Variants in TTC28 observed in about 807,000 individuals in gnomAD.
The protein encoded by TTC28 is tetratricopeptide repeat domain 28.
Under a neutral mutation model 198.0 loss-of-function variants are expected in TTC28, and 61 were observed. That is an observed-to-expected ratio of 0.31 (90% confidence interval 0.25 to 0.38). The LOEUF is 0.38. Among genes scored for constraint, TTC28 ranks in the 10% least tolerant of loss-of-function variants. The pLI is 1.00. For synonymous variants in TTC28, 1,171 were observed against 1,297.8 expected (o/e 0.90, Z 2.10); for missense variants, 2,678 against 3,164.0 (o/e 0.85, Z 3.69).
intron 5 of TTC28, among the ~76,000 whole-genome samples, chr22:28,262,408 CCATATGGCGGTATGGCTTCATTAAAGTT>C (rs1170480812): frequency 6.6e-6 from 1 of 152,134 alleles, no homozygotes; most frequent in Non-Finnish European, 1.5e-5. Flanking sequence ...AAATAGTTTT[CCATATGGCGGTATGGCTTCATTAAAGTT>C]ACATCTTTTA....
At chr22:28,586,963 T>C (rs1301221109) in intron 2 of TTC28, among the ~76,000 whole-genome samples, 4 of 152,212 alleles carry the variant, frequency 2.6e-5, no homozygotes, top group African/African-American at 9.6e-5. Context: ...AGCTCACGTG[T>C]GTAATCTCAG....
intron 2 of TTC28, among the ~76,000 whole-genome samples, chr22:28,492,838 T>C (rs1424614560): frequency 2.0e-5 from 3 of 152,134 alleles, no homozygotes; most frequent in African/African-American, 7.2e-5. Context: ...TAATGAATAG[T>C]TGATTCCAGG....
At chr22:28,208,171 T>A (rs557046672) in intron 5 of TTC28, among the ~76,000 whole-genome samples, 1 of 152,140 alleles carries the variant, frequency 6.6e-6, no homozygotes, top group African/African-American at 2.4e-5. Context: ...AAAGGACACA[T>A]AGGTTTCCCC....
At chr22:28,357,450 G>C (rs1049324760) in intron 2 of TTC28, among the ~76,000 whole-genome samples, 2 of 150,538 alleles carry the variant, frequency 1.3e-5, no homozygotes, top group African/African-American at 2.5e-5. Flanking sequence ...CAAGTAGCTA[G>C]GACTACAGGC....
chr22:28,172,094 G>C (rs1273388640), intron 5 of TTC28, among the ~76,000 whole-genome samples: 1 of 152,056 alleles, frequency 6.6e-6, no homozygotes, highest in Non-Finnish European at 1.5e-5. Context: ...TGGCTAGGGA[G>C]GACACAACCC....
intron 2 of TTC28, among the ~76,000 whole-genome samples, chr22:28,519,880 C>T (rs537448556): frequency 6.6e-6 from 1 of 152,304 alleles, no homozygotes; most frequent in South Asian, 2.1e-4. Flanking sequence ...ATAACACACA[C>T]AAGTAAAATG....
intron 5 of TTC28, among the ~76,000 whole-genome samples, chr22:28,201,367 G>A (rs1013687007): frequency 6.6e-6 from 1 of 152,136 alleles, no homozygotes; most frequent in Non-Finnish European, 1.5e-5. Flanking sequence ...GAAGACTGGA[G>A]AAGGGCAGCT....
intron 5 of TTC28, among the ~76,000 whole-genome samples, chr22:28,190,497 T>C (rs1050269272): frequency 2.0e-5 from 3 of 152,206 alleles, no homozygotes; most frequent in South Asian, 4.1e-4. Context: ...TGAGTATGTA[T>C]ACTTCTGAAT....
intron 2 of TTC28, among the ~76,000 whole-genome samples, chr22:28,312,901 C>CA (rs1339266760): frequency 5.9e-5 from 9 of 151,946 alleles, no homozygotes; most frequent in East Asian, 1.9e-4. Flanking sequence ...AAAAAACCTT[C>CA]AAAAAATCAA....
Position 27,983,386 on chromosome 22 carries a change from C to G in TTC28, c.6281G>C (p.Arg2094Thr), listed in dbSNP as rs377260379. ...QPQPGTAGGM[R>T]VSVSSKGSIS... Reference sequence around the variant, plus strand: ...GCTCCCTTTGGAGCTCACCGAGACTCTCATGCCTCCGGCTGTCCCAGGTTG... The same window carrying G: ...GCTCCCTTTGGAGCTCACCGAGACTGTCATGCCTCCGGCTGTCCCAGGTTG... Residue 2094 changes from arginine (R) to threonine (T), a missense_variant, in exon 23 of 23, where the codon AGA (arginine) becomes ACA (threonine). Physicochemically the swap from Arg to Thr is moderately conservative, Grantham distance 71 (BLOSUM62 -1). Coordinates refer to ENST00000397906, the MANE Select transcript of TTC28 (RefSeq NM_001145418.2). The G allele has an allele frequency of 3.1e-4, 484 of 1,551,290 alleles. 11 individuals are homozygous for G. The South Asian group carries it at 3.2e-3, about 10-fold the overall frequency.
At chr22:28,534,919 G>A (rs1167034439) in intron 2 of TTC28, among the ~76,000 whole-genome samples, 1 of 152,052 alleles carries the variant, frequency 6.6e-6, no homozygotes. Context: ...TTGTGGGGTT[G>A]GGGGAGGGGG....
At chr22:28,289,066 C>T (rs1341491214) in intron 5 of TTC28, among the ~76,000 whole-genome samples, 4 of 152,106 alleles carry the variant, frequency 2.6e-5, no homozygotes, top group Admixed American at 1.3e-4. Flanking sequence ...GGTACTGCAA[C>T]AGTCTAGGTA....
chr22:28,237,923 A>ATCCCATCGTTC (rs1286171519), intron 5 of TTC28, among the ~76,000 whole-genome samples: 5 of 152,188 alleles, frequency 3.3e-5, no homozygotes, highest in Non-Finnish European at 1.5e-5. Context: ...CCAAGATATC[A>ATCCCATCGTTC]TCCCATCGTT....
chr22:28,441,008 A>G (rs1029848864), intron 2 of TTC28, among the ~76,000 whole-genome samples: 1 of 152,222 alleles, frequency 6.6e-6, no homozygotes, highest in Non-Finnish European at 1.5e-5. Context: ...ACATGATGAT[A>G]TGAGATTATG....
chr22:28,558,543 C>T (rs544167694), intron 2 of TTC28, among the ~76,000 whole-genome samples: 24 of 152,178 alleles, frequency 1.6e-4, no homozygotes, highest in Admixed American at 5.2e-4. Context: ...GGCATGGTGG[C>T]GCATGCCTGT....
At chr22:28,376,480 T>A (rs2146008700) in intron 2 of TTC28, among the ~76,000 whole-genome samples, 1 of 152,082 alleles carries the variant, frequency 6.6e-6, no homozygotes, top group East Asian at 1.9e-4. Context: ...CAAGATGGAG[T>A]AACAGGGCAA....
chr22:28,246,028 T>C (rs929922729), intron 5 of TTC28, among the ~76,000 whole-genome samples: 4 of 152,220 alleles, frequency 2.6e-5, no homozygotes, highest in African/African-American at 4.8e-5. Flanking sequence ...ACATCTTCCA[T>C]GAAGCTAAAA....
intron 6 of TTC28, among the ~76,000 whole-genome samples, chr22:28,119,507 C>G (rs748774150): frequency 1.3e-5 from 2 of 152,264 alleles, no homozygotes; most frequent in East Asian, 1.9e-4. Flanking sequence ...GCTCTGCTTA[C>G]GTGGGGATGG....
chr22:28,517,476 T>C (rs1271880667), intron 2 of TTC28, among the ~76,000 whole-genome samples: 3 of 151,948 alleles, frequency 2.0e-5, no homozygotes, highest in African/African-American at 7.3e-5. Context: ...AAAAGAAAAA[T>C]CTTTACAAAA....
Sources: allele counts gnomAD v4.1 joint callset (sites outside exome capture counted in the v4.1 genomes callset), GRCh38; gene constraint gnomAD v4.1.1; transcripts MANE v1.5; gene names NCBI Gene and HGNC (gene_info 2026-07-23, HGNC 2026-07-21).